RGS17: variants seen among roughly 807,000 people sequenced by gnomAD.
RGS17 encodes regulator of G protein signaling 17.
Under a neutral mutation model 25.5 loss-of-function variants are expected in RGS17, and 12 were observed. That is an observed-to-expected ratio of 0.47 (90% confidence interval 0.30 to 0.76). The LOEUF (loss-of-function observed/expected upper bound fraction) is 0.76, where lower values mean the gene tolerates loss of function less well. Ranked by LOEUF, RGS17 falls within the 30% of genes least tolerant of loss-of-function variation. The probability of loss-of-function intolerance (pLI) is 0.07; values close to 1 mark genes in which losing one functional copy is unlikely to be tolerated. For missense variants in RGS17, 196 were observed against 242.2 expected, an observed-to-expected ratio of 0.81 and a Z score of 1.27; for synonymous variants, 71 against 76.9, an observed-to-expected ratio of 0.92 and a Z score of 0.40.
chr6:153,046,873 A>G (rs1450687699), intron 1 of RGS17, among the ~76,000 whole-genome samples: 1 of 152,200 alleles, frequency 6.6e-6, no homozygotes, highest in African/African-American at 2.4e-5. Flanking sequence ...AACAGAACAA[A>G]GCCTCACATA....
At chr6:153,059,682 T>G (rs1280022724) in intron 1 of RGS17, among the ~76,000 whole-genome samples, 1 of 152,238 alleles carries the variant, frequency 6.6e-6, no homozygotes, top group East Asian at 1.9e-4. Flanking sequence ...ACTTGATAAT[T>G]TGTAATCCCA....
chr6:153,060,701 T>G (rs1776622835), intron 1 of RGS17, among the ~76,000 whole-genome samples: 1 of 151,568 alleles, frequency 6.6e-6, no homozygotes, highest in Admixed American at 6.6e-5. Flanking sequence ...ATGTCTCTAC[T>G]AAGGTTTATC....
intron 1 of RGS17, among the ~76,000 whole-genome samples, chr6:153,045,977 G>A (rs963952151): frequency 2.0e-5 from 3 of 151,724 alleles, no homozygotes; most frequent in Non-Finnish European, 4.4e-5. Flanking sequence ...AAGAAAATGC[G>A]GTATATATAC....
At chr6:153,037,438 T>TG (rs1300203169) in intron 2 of RGS17, among the ~76,000 whole-genome samples, 1 of 151,826 alleles carries the variant, frequency 6.6e-6, no homozygotes, top group Non-Finnish European at 1.5e-5. Flanking sequence ...TACTTTTTTT[T>TG]TTTTTTTGAG....
intron 1 of RGS17, among the ~76,000 whole-genome samples, chr6:153,110,748 A>G (rs1269073574): frequency 6.6e-6 from 1 of 152,114 alleles, no homozygotes; most frequent in East Asian, 1.9e-4. Flanking sequence ...AGCTCATCTC[A>G]TTGCGACTGC....
chr6:153,009,017 T>A lies in RGS17; in HGVS notation c.*2557A>T, dbSNP rs1779105445. 6.6e-6 allele frequency: 1 copy of A among 152,138 alleles called. No homozygotes were observed. Among genetic ancestry groups the A allele is most frequent in the East Asian group, 1.9e-4 (1 of 5,206 alleles). The allele number at this position is 152,138 out of a possible 1,614,324, so 9.4% of individuals were successfully genotyped here. ...TGATGTGTAAATCTGCTCTCGAATC[T>A]TTTTTAACTCAACTTCCTCATCAGG... On this transcript the variant is annotated 3_prime_UTR_variant, in exon 5 of 5. Transcript: ENST00000206262.
chr6:153,101,714 C>A (rs1435610719), intron 1 of RGS17, among the ~76,000 whole-genome samples: 1 of 152,080 alleles, frequency 6.6e-6, no homozygotes, highest in African/African-American at 2.4e-5. Flanking sequence ...GGCAGACTTC[C>A]TCCTTGCTGT....
intron 1 of RGS17, among the ~76,000 whole-genome samples, chr6:153,053,991 A>AT (rs1421769725): frequency 2.6e-4 from 13 of 49,694 alleles, no homozygotes; most frequent in Middle Eastern, 0.02. Flanking sequence ...ATATGTATAT[A>AT]ATATATATAC....
At chr6:153,053,916 TATATATATGTATATATATGTATATATA>T (rs770106616) in intron 1 of RGS17, among the ~76,000 whole-genome samples, 24,216 of 105,088 alleles carry the variant, frequency 0.23, 4,871 homozygotes, top group African/African-American at 0.39. Context: ...ACACACATTA[TATATATATGTATATATATGTATATATA>T]ATATATATAC....
At chr6:153,057,797 G>A (rs2129113895) in intron 1 of RGS17, among the ~76,000 whole-genome samples, 1 of 152,238 alleles carries the variant, frequency 6.6e-6, no homozygotes, top group South Asian at 2.1e-4. Flanking sequence ...AGATCATCAG[G>A]CATTACATTC....
chr6:153,026,517 C>A lies in RGS17; in HGVS notation c.146G>T (p.Gly49Val), dbSNP rs1562314621. Residue 49 changes from glycine (G) to valine (V), a missense_variant, in exon 3 of 5, where the codon GGG becomes GTG. Coordinates refer to ENST00000206262, the MANE Select transcript of RGS17 (RefSeq NM_012419.5). ...SCLTVRNEER[G>V]ENAGRPTHTT... ...GTGTGTGGGTCTTCCCGCATTTTCCCCTCTTTCTTCATTCCTCACAGTGAG... is the reference window on the plus strand; with the variant it reads ...GTGTGTGGGTCTTCCCGCATTTTCCACTCTTTCTTCATTCCTCACAGTGAG... The A allele has an allele frequency of 1.9e-6, 3 of 1,613,220 alleles. No individual in the cohort carries two copies. The South Asian group carries it at 3.3e-5, about 18-fold the overall frequency.
At chr6:153,121,154 G>T (rs1777625408) in intron 1 of RGS17, among the ~76,000 whole-genome samples, 1 of 151,996 alleles carries the variant, frequency 6.6e-6, no homozygotes, top group Admixed American at 6.6e-5. Context: ...GAAAACAGAA[G>T]AGGTAAAACT....
At chr6:153,022,522 A>G (rs1157602123) in intron 4 of RGS17, among the ~76,000 whole-genome samples, 3 of 152,328 alleles carry the variant, frequency 2.0e-5, no homozygotes, top group Non-Finnish European at 2.9e-5. Flanking sequence ...CTACAAATAT[A>G]GCACAAAGGA....
intron 1 of RGS17, among the ~76,000 whole-genome samples, chr6:153,124,786 G>C (rs955356994): frequency 6.6e-5 from 10 of 152,102 alleles, no homozygotes; most frequent in African/African-American, 1.2e-4. Context: ...GGATTGCTGT[G>C]TTTCAAATAG....
chr6:153,056,457 T>C (rs553392451), intron 1 of RGS17, among the ~76,000 whole-genome samples: 6 of 152,300 alleles, frequency 3.9e-5, no homozygotes, highest in Admixed American at 2.0e-4. Context: ...CTTTATTCCA[T>C]ATATGGAAAG....
At chr6:153,100,258 C>G (rs1313417160) in intron 1 of RGS17, among the ~76,000 whole-genome samples, 4 of 152,116 alleles carry the variant, frequency 2.6e-5, no homozygotes, top group Non-Finnish European at 4.4e-5. Flanking sequence ...TTGTCTACAT[C>G]ATATATTTTT....
intron 1 of RGS17, among the ~76,000 whole-genome samples, chr6:153,081,219 A>T (rs1776974978): frequency 6.6e-6 from 1 of 152,046 alleles, no homozygotes; most frequent in South Asian, 2.1e-4. Context: ...TATTATTGTC[A>T]ATTTTTCTGT....
intron 1 of RGS17, among the ~76,000 whole-genome samples, chr6:153,062,553 T>A (rs1776654269): frequency 6.6e-6 from 1 of 152,134 alleles, no homozygotes; most frequent in South Asian, 2.1e-4. Flanking sequence ...AAAGGCAGTC[T>A]AAGCTACAAG....
chr6:153,016,448 A>G (rs1327128988), intron 4 of RGS17, among the ~76,000 whole-genome samples: 1 of 152,258 alleles, frequency 6.6e-6, no homozygotes, highest in African/African-American at 2.4e-5. Context: ...AGATTAAAAA[A>G]GGGGGGGTCA....
Sources: allele counts gnomAD v4.1 joint callset (sites outside exome capture counted in the v4.1 genomes callset), GRCh38; gene constraint gnomAD v4.1.1; transcripts MANE v1.5; gene names NCBI Gene and HGNC (gene_info 2026-07-23, HGNC 2026-07-21).